The following CHST8 variants were observed in gnomAD, a reference collection of about 807,000 sequenced individuals.
CHST8 encodes carbohydrate sulfotransferase 8.
In CHST8, 10 loss-of-function variants were observed where a neutral mutation model predicts 15.0. The ratio of observed to expected loss-of-function variants is 0.67; its 90% CI spans 0.41 to 1.13. CHST8 has a LOEUF of 1.13. Among genes scored for constraint, CHST8 ranks in the 50% most tolerant of loss-of-function variants. The pLI, the probability that CHST8 is intolerant of heterozygous loss-of-function variation, is 0.00. For synonymous variants in CHST8, 259 were observed against 256.6 expected, an observed-to-expected ratio of 1.01 and a Z score of -0.09; for missense variants, 634 against 608.2, an observed-to-expected ratio of 1.04 and a Z score of -0.45.
At chr19:33,661,574 C>G (rs1245622531) in intron 1 of CHST8, among the ~76,000 whole-genome samples, 2 of 152,188 alleles carry the variant, frequency 1.3e-5, no homozygotes, top group African/African-American at 4.8e-5. Flanking sequence ...GCTGGGCCAT[C>G]AGGAAAGGGG....
At chr19:33,633,558 TTTTTTA>T (rs1450955053) in intron 1 of CHST8, among the ~76,000 whole-genome samples, 10 of 138,960 alleles carry the variant, frequency 7.2e-5, no homozygotes. Flanking sequence ...TGCTGGCTAA[TTTTTTA>T]TTTTTATTTT....
At chr19:33,767,285 T>C (rs1163561447) in intron 3 of CHST8, among the ~76,000 whole-genome samples, 2 of 152,208 alleles carry the variant, frequency 1.3e-5, no homozygotes, top group Admixed American at 6.5e-5. Context: ...TCCTGGGCAG[T>C]GGGGATTGGG....
At chr19:33,738,889 C>T (rs1024509776) in intron 3 of CHST8, among the ~76,000 whole-genome samples, 2 of 152,294 alleles carry the variant, frequency 1.3e-5, no homozygotes, top group Middle Eastern at 3.4e-3. Context: ...CGTGCCCGGC[C>T]GGAGTCCAAG....
In CHST8 at chr19:33,721,777, G is replaced by A. The variant is rs149327214; in HGVS notation, c.130+32386G>A. Among the ~76,000 whole-genome samples the A allele has an allele frequency of 1.6e-3, 242 of 151,886 alleles. 2 individuals are homozygous for A. Among genetic ancestry groups the A allele is most frequent in the South Asian group, 5.4e-3 (26 of 4,796 alleles). ...GGATGGAAAGTTGGACAGATGGGTAGGTGAGTGGGCAAATGGAAGTATGTG... is the reference window on the plus strand; with the variant it reads ...GGATGGAAAGTTGGACAGATGGGTAAGTGAGTGGGCAAATGGAAGTATGTG... On this transcript the variant is annotated intron_variant, in intron 3 of 4. Coordinates refer to ENST00000650847, the MANE Select transcript of CHST8 (RefSeq NM_001127895.2).
chr19:33,695,039 T>G (rs951735802), intron 3 of CHST8, among the ~76,000 whole-genome samples: 2 of 151,930 alleles, frequency 1.3e-5, no homozygotes, highest in African/African-American at 4.8e-5. Context: ...CACTGCAGCT[T>G]TGACCTCCTG....
chr19:33,626,701 G>A (rs570251989), intron 1 of CHST8, among the ~76,000 whole-genome samples: 2 of 151,736 alleles, frequency 1.3e-5, no homozygotes, highest in Admixed American at 6.6e-5. Context: ...AGGGCACGAG[G>A]CCCTCACCAG....
chr19:33,770,650 C>T (rs1485524705), intron 3 of CHST8, among the ~76,000 whole-genome samples: 1 of 152,212 alleles, frequency 6.6e-6, no homozygotes, highest in African/African-American at 2.4e-5. Context: ...CCTTGGTAGG[C>T]AGAGGGGGCG....
At chr19:33,767,873 T>G (rs867012743) in intron 3 of CHST8, among the ~76,000 whole-genome samples, 24 of 152,144 alleles carry the variant, frequency 1.6e-4, no homozygotes, top group African/African-American at 5.6e-4. Flanking sequence ...AGGCCACTGA[T>G]GTTATCTAGA....
At chr19:33,727,504 G>A (rs1238155967) in intron 3 of CHST8, among the ~76,000 whole-genome samples, 1 of 152,200 alleles carries the variant, frequency 6.6e-6, no homozygotes, top group Admixed American at 6.5e-5. Flanking sequence ...TAGTGGAGCC[G>A]AGAGTCTGCC....
At chr19:33,634,115 C>T (rs1050926065) in intron 1 of CHST8, among the ~76,000 whole-genome samples, 41 of 152,180 alleles carry the variant, frequency 2.7e-4, no homozygotes, top group Admixed American at 1.9e-3. Context: ...CCACCACTCC[C>T]GACTCCATTG....
At chr19:33,763,622 C>G (rs1974778019) in intron 3 of CHST8, among the ~76,000 whole-genome samples, 1 of 152,272 alleles carries the variant, frequency 6.6e-6, no homozygotes, top group South Asian at 2.1e-4. Flanking sequence ...TTGGATTTTC[C>G]CATGAACACA....
chr19:33,764,128 C>T lies in CHST8; in HGVS notation c.131-7285C>T, dbSNP rs868005042. 3.3e-4 allele frequency among the ~76,000 whole-genome samples: 50 copies of T among 152,318 alleles called. No homozygotes were observed. In the Middle Eastern group the frequency reaches 0.014, roughly 41 times the overall value. ...GCCCAGCTTCTGGGAAGCCCCATACCCTTCCTCATGTCCAAGGCCAGCTCT... is the reference window on the plus strand; with the variant it reads ...GCCCAGCTTCTGGGAAGCCCCATACTCTTCCTCATGTCCAAGGCCAGCTCT... On this transcript the variant is annotated intron_variant, in intron 3 of 4. Coordinates refer to ENST00000650847, the MANE Select transcript of CHST8 (RefSeq NM_001127895.2).
Position 33,622,159 on chromosome 19 carries a change from G to A in CHST8, c.-301G>A, listed in dbSNP as rs1277926188. The A allele has an allele frequency of 6.6e-6, 1 of 152,180 alleles. No individual in the cohort carries two copies. The highest frequency in any genetic ancestry group is 1.5e-5 in the Non-Finnish European group (1 of 68,038). 9.4% of individuals were successfully genotyped at this position (152,180 alleles called of 1,614,324 possible). ...CCACAGATCGCACTGGGTTCCGCTT[G>A]GAGCGGGCGGAGGCACCGGGCCCGA... On this transcript the variant is annotated 5_prime_UTR_variant, in exon 1 of 5. Coordinates refer to ENST00000650847, the MANE Select transcript of CHST8 (RefSeq NM_001127895.2).
intron 2 of CHST8, among the ~76,000 whole-genome samples, chr19:33,679,400 G>A (rs537026104): frequency 2.0e-5 from 3 of 152,282 alleles, no homozygotes; most frequent in South Asian, 4.2e-4. Context: ...CTGTACTGTC[G>A]AGGGAACTTT....
At chr19:33,645,609 C>T (rs1972344131) in intron 1 of CHST8, among the ~76,000 whole-genome samples, 1 of 151,984 alleles carries the variant, frequency 6.6e-6, no homozygotes, top group South Asian at 2.1e-4. Flanking sequence ...GTGGGTGGAA[C>T]AGCTGTTGGA....
intron 1 of CHST8, among the ~76,000 whole-genome samples, chr19:33,660,750 A>G (rs182706365): frequency 1.1e-4 from 17 of 152,292 alleles, no homozygotes; most frequent in Admixed American, 9.8e-4. Context: ...TTTGCATGCA[A>G]TTGAAAGTGG....
chr19:33,654,240 G>A (rs1972482369), intron 1 of CHST8, among the ~76,000 whole-genome samples: 1 of 151,922 alleles, frequency 6.6e-6, no homozygotes, highest in Non-Finnish European at 1.5e-5. Context: ...TTTCATGCCT[G>A]TTTTATTATT....
chr19:33,764,810 C>T (rs1461854577), intron 3 of CHST8, among the ~76,000 whole-genome samples: 1 of 152,062 alleles, frequency 6.6e-6, no homozygotes, highest in Non-Finnish European at 1.5e-5. Flanking sequence ...GTGTACACTG[C>T]ACACAATTTG....
At chr19:33,756,636 TTTG>T in intron 3 of CHST8, among the ~76,000 whole-genome samples, 1 of 152,332 alleles carries the variant, frequency 6.6e-6, no homozygotes, top group South Asian at 2.1e-4. Context: ...GCCCTCTGGC[TTTG>T]TTGTTCTGCA....
Sources: gnomAD v4.1 joint callset for allele counts (sites outside exome capture counted in the v4.1 genomes callset) on GRCh38, gnomAD v4.1.1 for gene constraint, MANE v1.5 for transcripts, NCBI Gene and HGNC (gene_info 2026-07-23, HGNC 2026-07-21) for gene names.